Variants in ANK1 observed in about 807,000 individuals in gnomAD.
The protein encoded by ANK1 is ankyrin-1.
In ANK1, 51 loss-of-function variants were observed where a neutral mutation model predicts 210.4. The ratio of observed to expected loss-of-function variants is 0.24; its 90% CI spans 0.19 to 0.31. ANK1 has a LOEUF of 0.31. ANK1 is among the 10% of genes least tolerant of loss of function. The pLI is 1.00. For missense variants in ANK1, 2,051 were observed against 2,504.4 expected (o/e 0.82, Z 3.86); for synonymous variants, 967 against 1,025.9 (o/e 0.94, Z 1.10).
At chr8:41,836,826 A>G (rs1478191327) in intron 1 of ANK1, among the ~76,000 whole-genome samples, 2 of 152,080 alleles carry the variant, frequency 1.3e-5, no homozygotes, top group East Asian at 3.9e-4. Context: ...AGGCTGAGGC[A>G]GGAGGATCAC....
At chr8:41,867,163 C>T (rs1814632311) in intron 1 of ANK1, among the ~76,000 whole-genome samples, 1 of 152,058 alleles carries the variant, frequency 6.6e-6, no homozygotes, top group African/African-American at 2.4e-5. Flanking sequence ...AGTAGGAGGC[C>T]CTAGAAAGAG....
chr8:41,803,912 A>C (rs1197688974), intron 1 of ANK1, among the ~76,000 whole-genome samples: 2 of 152,100 alleles, frequency 1.3e-5, no homozygotes, highest in East Asian at 3.8e-4. Flanking sequence ...AGCACCATTG[A>C]ATTAGAGTTG....
At chr8:41,848,496 T>C (rs1810523837) in intron 1 of ANK1, among the ~76,000 whole-genome samples, 1 of 152,232 alleles carries the variant, frequency 6.6e-6, no homozygotes, top group Non-Finnish European at 1.5e-5. Flanking sequence ...GGCCCAGGAC[T>C]GACGTTGCTG....
chr8:41,687,365 G>A (rs1254854734), intron 35 of ANK1, among the ~76,000 whole-genome samples: 1 of 152,150 alleles, frequency 6.6e-6, no homozygotes, highest in Non-Finnish European at 1.5e-5. Flanking sequence ...CTAAAGACAG[G>A]GTTTCTGACA....
intron 1 of ANK1, among the ~76,000 whole-genome samples, chr8:41,768,688 A>T (rs773911624): frequency 1.3e-5 from 2 of 151,938 alleles, no homozygotes; most frequent in Non-Finnish European, 1.5e-5. Context: ...AATGTGGGGG[A>T]TGATCTTGAA....
rs1291324081 is a variant in ANK1, at chr8:41,880,260, C to T, written c.126+16095G>A. On this transcript the variant is annotated intron_variant, in intron 1 of 42. Coordinates refer to the ANK1 transcript ENST00000265709. The stretch of plus-strand genomic sequence containing the variant: ...TGTGGTTGCTTTCACGCTCCGCCGG[C>T]GGAGCTGAGTATTTGCAACAGAGAC... Among the ~76,000 whole-genome samples the T allele has an allele frequency of 4.6e-5, 7 of 152,268 alleles. No homozygotes were observed. The South Asian group carries it at 6.2e-4, about 14-fold the overall frequency.
intron 37 of ANK1, among the ~76,000 whole-genome samples, chr8:41,674,564 G>A (rs1055984563): frequency 6.6e-6 from 1 of 152,258 alleles, no homozygotes; most frequent in Non-Finnish European, 1.5e-5. Context: ...CTCCAGGTGT[G>A]TGAGAGGACC....
chr8:41,810,968 G>T (rs1052086068), intron 1 of ANK1, among the ~76,000 whole-genome samples: 1 of 152,230 alleles, frequency 6.6e-6, no homozygotes, highest in African/African-American at 2.4e-5. Context: ...ACCAGGTGGC[G>T]GTTCTTGGTC....
chr8:41,871,348 C>A (rs1285419049), intron 1 of ANK1, among the ~76,000 whole-genome samples: 1 of 152,162 alleles, frequency 6.6e-6, no homozygotes, highest in Admixed American at 6.5e-5. Flanking sequence ...CGCTGTGTCA[C>A]CCAGGCTGGA....
intron 2 of ANK1, among the ~76,000 whole-genome samples, chr8:41,757,429 C>T (rs1438556395): frequency 2.0e-5 from 3 of 152,210 alleles, no homozygotes; most frequent in Non-Finnish European, 4.4e-5. Flanking sequence ...GTTCCTGGAT[C>T]TTTGGCTCCA....
chr8:41,724,760 G>T (rs539886304), intron 6 of ANK1, among the ~76,000 whole-genome samples: 13 of 152,094 alleles, frequency 8.5e-5, no homozygotes, highest in African/African-American at 3.1e-4. Context: ...TGAGCAACCC[G>T]AATTATATGT....
chr8:41,699,624 C>T (rs1295189138), intron 22 of ANK1, 76 bp from the exon 23 acceptor site: 8 of 1,379,292 alleles, frequency 5.8e-6, no homozygotes, highest in Middle Eastern at 2.1e-4. Context: ...AGCTCTGTTC[C>T]CGCTCCGCCT....
chr8:41,889,228 G>A (rs1818978152), intron 1 of ANK1, among the ~76,000 whole-genome samples: 3 of 152,176 alleles, frequency 2.0e-5, no homozygotes, highest in Non-Finnish European at 4.4e-5. Context: ...ATACCTGGGG[G>A]AAGTAGCCTA....
At chr8:41,808,837 G>T (rs12680139) in intron 1 of ANK1, among the ~76,000 whole-genome samples, 47,863 of 151,984 alleles carry the variant, frequency 0.31, 7,837 homozygotes, top group Middle Eastern at 0.45. Flanking sequence ...ATCTTTCCCA[G>T]ATAATTTTCT....
chr8:41,896,527 C>G (rs1338690889), exon 1 of ANK1: 1 of 1,548,760 alleles, frequency 6.5e-7, no homozygotes, highest in African/African-American at 1.4e-5. Flanking sequence ...CCCTAGCGCT[C>G]AGCGATCCCC....
At chr8:41,838,934 C>T (rs998782228) in intron 1 of ANK1, among the ~76,000 whole-genome samples, 2 of 151,764 alleles carry the variant, frequency 1.3e-5, no homozygotes, top group South Asian at 2.1e-4. Context: ...AAAATTAGTA[C>T]GGCATGATGG....
intron 1 of ANK1, among the ~76,000 whole-genome samples, chr8:41,831,666 AAG>A (rs1445553042): frequency 6.6e-6 from 1 of 151,680 alleles, no homozygotes; most frequent in East Asian, 1.9e-4. Flanking sequence ...GAAGAAGAAA[AAG>A]AAAAAAGGAA....
At chr8:41,846,260 C>T (rs1049265744) in intron 1 of ANK1, among the ~76,000 whole-genome samples, 3 of 152,206 alleles carry the variant, frequency 2.0e-5, no homozygotes, top group Non-Finnish European at 2.9e-5. Flanking sequence ...AGGGTCCTGC[C>T]GCAAAGCCCA....
At chr8:41,749,147 C>T (rs1837005450) in intron 2 of ANK1, among the ~76,000 whole-genome samples, 1 of 152,176 alleles carries the variant, frequency 6.6e-6, no homozygotes, top group African/African-American at 2.4e-5. Flanking sequence ...CAAGCTGGAC[C>T]TTTTACCTGC....
Sources: allele counts gnomAD v4.1 joint callset (sites outside exome capture counted in the v4.1 genomes callset), GRCh38; gene constraint gnomAD v4.1.1; transcripts MANE v1.5; gene names NCBI Gene and HGNC (gene_info 2026-07-23, HGNC 2026-07-21).